The following ERC2 variants were observed in gnomAD, a reference collection of about 807,000 sequenced individuals.
ERC2 encodes the protein ELKS/RAB6-interacting/CAST family member 2.
ERC2 carries 42 observed loss-of-function variants against 114.8 expected under a neutral mutation model. That is an observed-to-expected ratio of 0.37 (90% CI 0.29 to 0.47). The LOEUF is 0.47. ERC2 is among the 20% of genes least tolerant of loss of function. The pLI is 0.99. For missense variants in ERC2, 939 were observed against 1,150.7 expected, an observed-to-expected ratio of 0.82 and a Z score of 2.66; for synonymous variants, 454 against 425.5, an observed-to-expected ratio of 1.07 and a Z score of -0.82.
intron 17 of ERC2, among the ~76,000 whole-genome samples, chr3:55,524,185 C>T (rs531756157): frequency 3.9e-5 from 6 of 152,324 alleles, no homozygotes; most frequent in African/African-American, 1.2e-4. Context: ...CCTCTATACT[C>T]GCCCATACAG....
chr3:55,817,297 A>G (rs1276033915), intron 14 of ERC2, among the ~76,000 whole-genome samples: 1 of 152,172 alleles, frequency 6.6e-6, no homozygotes, highest in African/African-American at 2.4e-5. Flanking sequence ...ATCATTTCCA[A>G]GCTTTTAGTG....
In ERC2 at chr3:56,161,371, T is replaced by A. The variant is rs772644129; in HGVS notation, c.1149+12075A>T. ...TGAGGACAGCCTATTACAATTGCTT[T>A]GGCTATTCAAGTTCTTTTTTGGTTC... On this transcript the variant is annotated intron_variant, in intron 4 of 17. Transcript: ENST00000288221. Among the ~76,000 whole-genome samples, 57 of 152,344 alleles carry A rather than the reference T, an allele frequency of 3.7e-4. 1 individual carries two copies. The highest frequency in any genetic ancestry group is 4.1e-4 in the South Asian group (2 of 4,828).
intron 1 of ERC2, among the ~76,000 whole-genome samples, chr3:56,456,834 G>A (rs1446427663): frequency 2.0e-5 from 3 of 152,162 alleles, no homozygotes; most frequent in Non-Finnish European, 2.9e-5. Context: ...ACTACTTGTC[G>A]GCAGGTAAGG....
chr3:56,211,670 C>T (rs1345722808), intron 3 of ERC2, among the ~76,000 whole-genome samples: 5 of 152,028 alleles, frequency 3.3e-5, no homozygotes, highest in South Asian at 2.1e-4. Flanking sequence ...AGAACAAATC[C>T]GTAGGCATTA....
intron 3 of ERC2, among the ~76,000 whole-genome samples, chr3:56,259,270 C>G (rs992551246): frequency 1.2e-4 from 18 of 152,168 alleles, no homozygotes; most frequent in African/African-American, 4.1e-4. Context: ...CTGCCCCCAG[C>G]CCAAAAAACT....
At chr3:55,571,201 G>T (rs2056694376) in intron 17 of ERC2, among the ~76,000 whole-genome samples, 12 of 146,074 alleles carry the variant, frequency 8.2e-5, no homozygotes, top group Admixed American at 7.6e-4. Flanking sequence ...ATGATGACAA[G>T]AATCGGGTCT....
chr3:55,884,903 A>G (rs2063292664), intron 14 of ERC2, among the ~76,000 whole-genome samples: 1 of 152,120 alleles, frequency 6.6e-6, no homozygotes, highest in South Asian at 2.1e-4. Flanking sequence ...AAAAAAAAAA[A>G]TCTTATCCCT....
chr3:55,522,427 T>G (rs761892226), intron 17 of ERC2, among the ~76,000 whole-genome samples: 1 of 146,672 alleles, frequency 6.8e-6, no homozygotes, highest in Non-Finnish European at 1.5e-5. Flanking sequence ...GGATTTTATA[T>G]TGTCTTCAAT....
intron 17 of ERC2, among the ~76,000 whole-genome samples, chr3:55,631,476 G>A (rs963999731): frequency 1.3e-5 from 2 of 152,190 alleles, no homozygotes; most frequent in African/African-American, 2.4e-5. Flanking sequence ...GACACCTCCA[G>A]GTTGGCACTG....
intron 4 of ERC2, among the ~76,000 whole-genome samples, chr3:56,149,788 C>T (rs1481793799): frequency 2.0e-5 from 3 of 152,074 alleles, no homozygotes; most frequent in Non-Finnish European, 2.9e-5. Flanking sequence ...AAAAACATGA[C>T]TACCTTGCAG....
At chr3:56,007,726 G>A (rs894563897) in intron 9 of ERC2, among the ~76,000 whole-genome samples, 2 of 151,984 alleles carry the variant, frequency 1.3e-5, no homozygotes, top group African/African-American at 4.8e-5. Flanking sequence ...TAATGCATCC[G>A]CTCCCAAGAG....
intron 2 of ERC2, among the ~76,000 whole-genome samples, chr3:56,311,267 A>ATG (rs2056553642): frequency 7.5e-5 from 7 of 92,802 alleles, no homozygotes; most frequent in African/African-American, 2.3e-4. Flanking sequence ...ATATATATAT[A>ATG]TATATATATA....
At chr3:56,145,161 A>G (rs2081072816) in intron 5 of ERC2, among the ~76,000 whole-genome samples, 1 of 152,172 alleles carries the variant, frequency 6.6e-6, no homozygotes. Context: ...TATGGCCCTT[A>G]TGTCTAGAAA....
intron 2 of ERC2, among the ~76,000 whole-genome samples, chr3:56,428,422 G>A (rs1238808586): frequency 6.6e-6 from 1 of 151,890 alleles, no homozygotes; most frequent in African/African-American, 2.4e-5. Context: ...TCGGGAGGCT[G>A]AGGCAGGAGG....
At chr3:55,569,946 C>G (rs928676914) in intron 17 of ERC2, among the ~76,000 whole-genome samples, 5 of 151,326 alleles carry the variant, frequency 3.3e-5, no homozygotes, top group African/African-American at 1.2e-4. Flanking sequence ...CAACCTCCAC[C>G]TCCCGGGTTC....
intron 11 of ERC2, 98 bp downstream of exon 11, chr3:55,991,959 A>T: frequency 9.6e-7 from 1 of 1,038,902 alleles, no homozygotes; most frequent in Non-Finnish European, 1.4e-6. Context: ...CTAACTTGTA[A>T]TATGAATGTA....
At chr3:56,353,782 T>C (rs1391570358) in intron 2 of ERC2, among the ~76,000 whole-genome samples, 1 of 145,272 alleles carries the variant, frequency 6.9e-6, no homozygotes, top group African/African-American at 2.5e-5. Context: ...TGTGCACATG[T>C]ACCCTAGAAC....
In ERC2 at chr3:55,690,793, G is replaced by A. The variant is rs149621516; in HGVS notation, c.2848-6934C>T. Among the ~76,000 whole-genome samples the A allele has an allele frequency of 3.4e-3, 515 of 152,292 alleles. 6 individuals are homozygous for A. The highest frequency in any genetic ancestry group is 0.012 in the African/African-American group (481 of 41,560). The stretch of plus-strand genomic sequence containing the variant: ...CCATACTCAGTGAAGACCCTACCTG[G>A]CAGGGCTTATTAATCATGCCCTCAT... On this transcript the variant is annotated intron_variant, in intron 16 of 17. Transcript: ENST00000288221.
intron 3 of ERC2, among the ~76,000 whole-genome samples, chr3:56,209,678 G>A (rs1250179029): frequency 3.3e-5 from 5 of 152,108 alleles, no homozygotes; most frequent in Admixed American, 3.3e-4. Context: ...GTAAAACAAG[G>A]GTCTGTCTGG....
Sources: gnomAD v4.1 joint callset for allele counts (sites outside exome capture counted in the v4.1 genomes callset) on GRCh38, gnomAD v4.1.1 for gene constraint, MANE v1.5 for transcripts, NCBI Gene and HGNC (gene_info 2026-07-23, HGNC 2026-07-21) for gene names.